DOCK8: variants seen among roughly 807,000 people sequenced by gnomAD.
The protein encoded by DOCK8 is dedicator of cytokinesis 8, also known as dedicator of cytokinesis protein 8.
In DOCK8, 141 loss-of-function variants were observed where a neutral mutation model predicts 245.6. The observed-to-expected ratio is 0.57, with a 90% CI of 0.50 to 0.66. DOCK8 has a LOEUF of 0.66. Among genes scored for constraint, DOCK8 ranks in the 30% least tolerant of loss-of-function variants. The probability of loss-of-function intolerance (pLI) is 0.00; values close to 1 mark genes in which losing one functional copy is unlikely to be tolerated. For missense variants in DOCK8, 2,965 were observed against 2,603.4 expected, an observed-to-expected ratio of 1.14 and a Z score of -3.02; for synonymous variants, 1,168 against 970.2, an observed-to-expected ratio of 1.20 and a Z score of -3.79.
intron 2 of DOCK8, among the ~76,000 whole-genome samples, chr9:280,637 A>G (rs2048538440): frequency 6.6e-6 from 1 of 152,196 alleles, no homozygotes; most frequent in Non-Finnish European, 1.5e-5. Flanking sequence ...ACCCAGGGGA[A>G]TCTCTCCTTT....
At chr9:231,428 A>G (rs1243866859) in intron 1 of DOCK8, among the ~76,000 whole-genome samples, 6 of 152,078 alleles carry the variant, frequency 3.9e-5, no homozygotes, top group Non-Finnish European at 5.9e-5. Context: ...GTTTTTTCCA[A>G]TTCTGTGAAG....
Position 407,048 on chromosome 9 carries a change from C to T in DOCK8, c.3509C>T (p.Ala1170Val), listed in dbSNP as rs1239324162. ...CTCCTCTTCACAGAACTGGCTGCTG[C>T]CCTGGATGCCGAAGGGGAAGGGTAT... is the stretch of plus-strand genomic sequence containing the variant. The part of the protein sequence containing the change: ...TGLLFTELAA[A>V]LDAEGEGISK... The change falls in exon 28 of 48, where the codon GCC becomes GTC. Residue 1170 changes from alanine (A) to valine (V), a missense_variant. Coordinates refer to ENST00000432829, the MANE Select transcript of DOCK8 (RefSeq NM_203447.4). 1 of 1,614,052 alleles carries T rather than the reference C, an allele frequency of 6.2e-7. No individual in the cohort carries two copies. Among genetic ancestry groups the T allele is most frequent in the Admixed American group, 1.7e-5 (1 of 60,016 alleles).
chr9:369,098 A>G (rs2053164607), intron 15 of DOCK8: 1 of 151,778 alleles, frequency 6.6e-6, no homozygotes, highest in African/African-American at 2.4e-5. Context: ...GAGCCACTGC[A>G]CGCAGTTAAT....
intron 6 of DOCK8, among the ~76,000 whole-genome samples, chr9:315,499 CAA>C (rs1183017777): frequency 6.6e-6 from 1 of 152,110 alleles, no homozygotes; most frequent in Non-Finnish European, 1.5e-5. Context: ...TTGAAACTGA[CAA>C]AAATTATTTA....
intron 14 of DOCK8, among the ~76,000 whole-genome samples, chr9:364,646 A>C (rs2131150718): frequency 6.6e-6 from 1 of 152,056 alleles, no homozygotes; most frequent in East Asian, 1.9e-4. Flanking sequence ...AAATTGAAAA[A>C]AAAAAAAAAA....
chr9:307,973 A>C (rs1000583038), intron 5 of DOCK8, among the ~76,000 whole-genome samples: 15 of 152,238 alleles, frequency 9.9e-5, no homozygotes, highest in African/African-American at 3.6e-4. Flanking sequence ...CTAATACTGC[A>C]TGATCTCACT....
chr9:270,810 A>G (rs1050611582), intron 1 of DOCK8, among the ~76,000 whole-genome samples: 1 of 152,224 alleles, frequency 6.6e-6, no homozygotes, highest in Admixed American at 6.5e-5. Context: ...TTTTGGCCTC[A>G]TTGTGGTTTA....
At chr9:348,121 C>T (rs1238354331) in intron 14 of DOCK8, among the ~76,000 whole-genome samples, 1 of 152,090 alleles carries the variant, frequency 6.6e-6, no homozygotes, top group East Asian at 1.9e-4. Context: ...TTAGTAAGTC[C>T]TGACCTTAGA....
At chr9:266,890 C>T (rs536123882) in intron 1 of DOCK8, among the ~76,000 whole-genome samples, 2 of 142,754 alleles carry the variant, frequency 1.4e-5, no homozygotes, top group South Asian at 4.1e-4. Flanking sequence ...CATCATGAAA[C>T]TTATCTTGGA....
chr9:317,661 G>T (rs1003307596), intron 7 of DOCK8, among the ~76,000 whole-genome samples: 3 of 152,190 alleles, frequency 2.0e-5, no homozygotes, highest in African/African-American at 7.2e-5. Context: ...GAAACTCAGT[G>T]CCAGGGGACA....
rs776399238 is a variant in DOCK8, at chr9:386,329, A to C, written c.2779-2A>C. 1.2e-6 allele frequency: 2 copies of C among 1,613,284 alleles called. No individual in the cohort carries two copies. The highest frequency in any genetic ancestry group is 1.7e-6 in the Non-Finnish European group (2 of 1,179,418). On this transcript the variant is annotated splice_acceptor_variant, in intron 22 of 47. Transcript: ENST00000432829. LOFTEE classifies it high-confidence loss of function. ...TGTTAAGCCATGGTTTGTGTATTTT[A>C]GATCGCCGATCGCAACTGCAGCCGA...
chr9:405,209 A>T (rs1034622377), intron 27 of DOCK8, 136 bp downstream of exon 27: 1 of 903,874 alleles, frequency 1.1e-6, no homozygotes, highest in Non-Finnish European at 1.7e-6. Flanking sequence ...CAGATCAAGT[A>T]TGCTACCCTG....
chr9:465,179 G>C lies in DOCK8; in HGVS notation c.*960G>C, dbSNP rs886709736. The C allele has an allele frequency of 6.5e-6, 1 of 152,726 alleles. No homozygotes were observed. Among genetic ancestry groups the C allele is most frequent in the South Asian group, 2.1e-4 (1 of 4,824 alleles). 9.5% of individuals were successfully genotyped at this position (152,726 alleles called of 1,614,324 possible). Reference sequence around the variant, plus strand: ...AAAAAGAGGAACAAAGACATTATTTGAGAATTAAATTATATATTTTTAATA... The same window carrying C: ...AAAAAGAGGAACAAAGACATTATTTCAGAATTAAATTATATATTTTTAATA... On this transcript the variant is annotated 3_prime_UTR_variant, in exon 48 of 48. Transcript: ENST00000432829.
At chr9:278,453 C>A (rs1232546985) in intron 2 of DOCK8, among the ~76,000 whole-genome samples, 3 of 152,200 alleles carry the variant, frequency 2.0e-5, no homozygotes, top group African/African-American at 7.2e-5. Context: ...ATTGAAGATA[C>A]AACAGTGAAT....
chr9:419,500 C>G (rs1368218516), intron 30 of DOCK8, among the ~76,000 whole-genome samples: 1 of 152,170 alleles, frequency 6.6e-6, no homozygotes. Flanking sequence ...AGAACATAGT[C>G]CTTGTGAGGT....
chr9:393,446 C>T (rs2054297159), intron 24 of DOCK8, among the ~76,000 whole-genome samples: 1 of 152,154 alleles, frequency 6.6e-6, no homozygotes, highest in South Asian at 2.1e-4. Flanking sequence ...ATTATGCAAT[C>T]TTGAGGCAGG....
In DOCK8 at chr9:368,186, C is replaced by G. The variant is rs2053103433; in HGVS notation, c.1797+51C>G. The stretch of plus-strand genomic sequence containing the variant: ...TCAAATCAGGGTGGGCTGCTCACCC[C>G]TGTCACTTCACACAAGTCCGGGACT... On this transcript the variant is annotated intron_variant, in intron 15 of 47. Coordinates refer to ENST00000432829, the MANE Select transcript of DOCK8 (RefSeq NM_203447.4). 4.9e-6 allele frequency: 7 copies of G among 1,414,388 alleles called. No homozygotes were observed. The East Asian group carries it at 1.6e-4, about 32-fold the overall frequency. 87.6% of individuals were successfully genotyped at this position (1,414,388 alleles called of 1,614,324 possible).
At chr9:244,621 C>G (rs1473289623) in intron 1 of DOCK8, among the ~76,000 whole-genome samples, 1 of 152,104 alleles carries the variant, frequency 6.6e-6, no homozygotes, top group Non-Finnish European at 1.5e-5. Flanking sequence ...CCATACAACA[C>G]CTATCATATC....
chr9:400,690 C>T (rs1281110186), intron 26 of DOCK8, among the ~76,000 whole-genome samples: 1 of 127,764 alleles, frequency 7.8e-6, no homozygotes, highest in Admixed American at 7.5e-5. Context: ...TCACCACCAC[C>T]TCCACCACCA....
Sources: allele counts gnomAD v4.1 joint callset (sites outside exome capture counted in the v4.1 genomes callset), GRCh38; gene constraint gnomAD v4.1.1; transcripts MANE v1.5; gene names NCBI Gene and HGNC (gene_info 2026-07-23, HGNC 2026-07-21).